The following CDYL variants were observed in gnomAD, a reference collection of about 807,000 sequenced individuals.
CDYL encodes the protein chromodomain Y like, also known as chromodomain Y-like protein.
In CDYL, 8 loss-of-function variants were observed where a neutral mutation model predicts 47.3. The observed-to-expected ratio is 0.17, with a 90% confidence interval of 0.10 to 0.31. The LOEUF (loss-of-function observed/expected upper bound fraction) is 0.31, where lower values mean the gene tolerates loss of function less well. Ranked by LOEUF, CDYL falls within the 10% of genes least tolerant of loss-of-function variation. CDYL has a pLI of 1.00. For missense variants in CDYL, 471 were observed against 701.4 expected (o/e 0.67, Z 3.71); for synonymous variants, 266 against 265.0 (o/e 1.00, Z -0.04).
chr6:4,952,958 G>C (rs1286396219), intron 6 of CDYL, among the ~76,000 whole-genome samples: 1 of 151,952 alleles, frequency 6.6e-6, no homozygotes, highest in Non-Finnish European at 1.5e-5. Flanking sequence ...AGTAGACACG[G>C]AGTCTCACCA....
At position 4,792,432 on chromosome 6, in the gene CDYL, AAT is replaced by A. The variant is rs1491529113; in HGVS notation, c.24+15626_24+15627del. On this transcript the variant is annotated intron_variant, in intron 1 of 6. Transcript: ENST00000397588. ...GTAGTCAAATTTTTATTTAAAAAAA[AAT>A]TTTTTTTTTTTTTTTGAGACAGAGT... Among the ~76,000 whole-genome samples the A allele has an allele frequency of 8.4e-3, 1,270 of 151,044 alleles. 21 individuals are homozygous for A. The highest frequency in any genetic ancestry group is 0.03 in the African/African-American group (1,220 of 40,876).
rs187086585 is a variant in CDYL at position 4,742,338 on chromosome 6, C to A, written c.186+7494C>A. Among the ~76,000 whole-genome samples, 378 of 143,658 alleles carry A rather than the reference C, an allele frequency of 2.6e-3. 2 individuals carry two copies. The highest frequency in any genetic ancestry group is 9.6e-3 in the African/African-American group (363 of 37,974). The allele number at this position is 143,658 out of a possible 152,430, so 94.2% of individuals were successfully genotyped here. A position where few individuals can be genotyped will look rare whatever the true frequency, so the allele number is the denominator to read the frequency against. On this transcript the variant is annotated intron_variant, in intron 3 of 8. Transcript: ENST00000328908. Reference sequence around the variant, plus strand: ...GAGCCAAGATTGCACCACTGCACTCCAGCCTGGGTGACAAAGATCCTGTCT... The same window carrying A: ...GAGCCAAGATTGCACCACTGCACTCAAGCCTGGGTGACAAAGATCCTGTCT...
intron 3 of CDYL, among the ~76,000 whole-genome samples, chr6:4,937,028 G>A (rs1302547498): frequency 6.6e-6 from 1 of 152,198 alleles, no homozygotes; most frequent in African/African-American, 2.4e-5. Context: ...ATCAGGCTAT[G>A]ATGCATTTTT....
chr6:4,756,562 A>C (rs1758076678), intron 3 of CDYL, among the ~76,000 whole-genome samples: 1 of 141,508 alleles, frequency 7.1e-6, no homozygotes. Flanking sequence ...AATTGTAGTA[A>C]TTAAAATTAT....
chr6:4,867,139 T>A (rs1206524107), intron 1 of CDYL, among the ~76,000 whole-genome samples: 2 of 152,168 alleles, frequency 1.3e-5, no homozygotes, highest in Non-Finnish European at 2.9e-5. Flanking sequence ...TTGTTGTAAC[T>A]GTAGCTGTGA....
At chr6:4,738,120 G>A (rs1372442613) in intron 3 of CDYL, among the ~76,000 whole-genome samples, 1 of 151,962 alleles carries the variant, frequency 6.6e-6, no homozygotes, top group African/African-American at 2.4e-5. Context: ...GGGCTCTATG[G>A]CTCCCAGCAC....
At chr6:4,913,135 G>T (rs2127501505) in intron 2 of CDYL, among the ~76,000 whole-genome samples, 1 of 152,296 alleles carries the variant, frequency 6.6e-6, no homozygotes, top group East Asian at 1.9e-4. Context: ...GTTTCCCTGG[G>T]ATCAAAGCTA....
intron 2 of CDYL, among the ~76,000 whole-genome samples, chr6:4,901,280 C>G (rs764932503): frequency 2.2e-4 from 33 of 152,220 alleles, no homozygotes; most frequent in African/African-American, 7.7e-4. Flanking sequence ...TAAATTTGCT[C>G]TTGTCGCTGC....
At chr6:4,846,074 G>T (rs1028001156) in intron 1 of CDYL, among the ~76,000 whole-genome samples, 3 of 151,572 alleles carry the variant, frequency 2.0e-5, no homozygotes, top group Admixed American at 2.0e-4. Flanking sequence ...ACAGTCATTT[G>T]ATCTAAATGA....
At position 4,808,814 on chromosome 6, in the gene CDYL, T is replaced by G. The variant is rs114357461; in HGVS notation, c.24+32007T>G. ...AAATACTGTTTTCCAAGATTGCTTTTTCTTTTCACCTCCTTCAATGTGGTT... is the reference window on the plus strand; with the variant it reads ...AAATACTGTTTTCCAAGATTGCTTTGTCTTTTCACCTCCTTCAATGTGGTT... On this transcript the variant is annotated intron_variant, in intron 1 of 6. Coordinates refer to ENST00000397588, the MANE Select transcript of CDYL (RefSeq NM_004824.4). Among the ~76,000 whole-genome samples, 1,168 of 152,354 alleles carry G rather than the reference T, an allele frequency of 7.7e-3. 16 individuals are homozygous for G. Among genetic ancestry groups the G allele is most frequent in the African/African-American group, 0.027 (1,128 of 41,584 alleles).
chr6:4,909,318 G>T (rs557253963), intron 2 of CDYL, among the ~76,000 whole-genome samples: 2 of 152,154 alleles, frequency 1.3e-5, no homozygotes, highest in African/African-American at 4.8e-5. Context: ...TCCGGCGTCC[G>T]TAAGTGCTAC....
intron 2 of CDYL, among the ~76,000 whole-genome samples, chr6:4,912,533 A>T (rs1757443803): frequency 6.6e-6 from 1 of 152,256 alleles, no homozygotes; most frequent in Non-Finnish European, 1.5e-5. Flanking sequence ...GGTTTTTTTC[A>T]GATGGTGAAG....
At chr6:4,707,203 G>T (rs1240776109) in intron 1 of CDYL, among the ~76,000 whole-genome samples, 1 of 152,150 alleles carries the variant, frequency 6.6e-6, no homozygotes, top group Non-Finnish European at 1.5e-5. Flanking sequence ...AGGAAATAAG[G>T]CCCTGAGGCT....
intron 2 of CDYL, among the ~76,000 whole-genome samples, chr6:4,924,567 C>T (rs1041089422): frequency 7.2e-5 from 11 of 152,136 alleles, no homozygotes; most frequent in Admixed American, 1.3e-4. Flanking sequence ...TAAGCATTTC[C>T]ATCCTCACTC....
intron 2 of CDYL, among the ~76,000 whole-genome samples, chr6:4,915,501 G>T (rs1187403060): frequency 6.6e-6 from 1 of 152,166 alleles, no homozygotes; most frequent in Admixed American, 6.5e-5. Context: ...GATGGGGGCA[G>T]ACACACCTCA....
At chr6:4,904,020 T>G (rs1757150235) in intron 2 of CDYL, among the ~76,000 whole-genome samples, 1 of 152,140 alleles carries the variant, frequency 6.6e-6, no homozygotes, top group African/African-American at 2.4e-5. Flanking sequence ...GAATGGATAT[T>G]CAAGAAAGAG....
intron 3 of CDYL, among the ~76,000 whole-genome samples, chr6:4,756,324 T>G (rs182844400): frequency 6.6e-6 from 1 of 152,152 alleles, no homozygotes; most frequent in Non-Finnish European, 1.5e-5. Flanking sequence ...CACTCCACTC[T>G]TTTGCTCTCT....
chr6:4,943,451 C>A, intron 4 of CDYL, 95 bp from the exon 5 acceptor site: 2 of 872,662 alleles, frequency 2.3e-6, no homozygotes, highest in Non-Finnish European at 3.6e-6. Context: ...ATTTCCGTAG[C>A]ATTTACATCT....
intron 2 of CDYL, among the ~76,000 whole-genome samples, chr6:4,730,674 C>T (rs1205557935): frequency 1.7e-5 from 1 of 60,452 alleles, no homozygotes; most frequent in African/African-American, 4.8e-5. Context: ...AATTCCATCT[C>T]AAAAAAAAAA....
Sources: gnomAD v4.1 joint callset for allele counts (sites outside exome capture counted in the v4.1 genomes callset) on GRCh38, gnomAD v4.1.1 for gene constraint, MANE v1.5 for transcripts, NCBI Gene and HGNC (gene_info 2026-07-23, HGNC 2026-07-21) for gene names.